Variants in DGKB observed in about 807,000 individuals in gnomAD.
DGKB encodes the protein diacylglycerol kinase beta.
Under a neutral mutation model 114.3 loss-of-function variants are expected in DGKB, and 67 were observed. That is an observed-to-expected ratio of 0.59 (90% CI 0.48 to 0.72). The LOEUF is 0.72. Ranked by LOEUF, DGKB falls within the 30% of genes least tolerant of loss-of-function variation. The pLI is 0.00. For synonymous variants in DGKB, 398 were observed against 323.1 expected (o/e 1.23, Z -2.49); for missense variants, 907 against 975.2 (o/e 0.93, Z 0.93).
chr7:14,235,500 C>T (rs1584629933), intron 23 of DGKB, among the ~76,000 whole-genome samples: 1 of 152,150 alleles, frequency 6.6e-6, no homozygotes, highest in East Asian at 1.9e-4. Context: ...TCAATTTTAT[C>T]AGAGGTTTCA....
At chr7:14,750,789 A>ATTTATTTTT (rs1833986870) in intron 4 of DGKB, among the ~76,000 whole-genome samples, 1 of 85,052 alleles carries the variant, frequency 1.2e-5, no homozygotes, top group African/African-American at 5.3e-5. Context: ...AGCTATTTCT[A>ATTTATTTTT]TTTCTTTTTT....
chr7:14,365,295 G>T (rs1057125715), intron 21 of DGKB, among the ~76,000 whole-genome samples: 1 of 152,002 alleles, frequency 6.6e-6, no homozygotes, highest in Non-Finnish European at 1.5e-5. Flanking sequence ...ATTTGTACCA[G>T]AATTTGTCTT....
chr7:14,747,779 G>GCGCGCGCACACACACACACA lies in DGKB; in HGVS notation c.168+6148_168+6149insTGTGTGTGTGTGTGCGCGCG, dbSNP rs1554636463. Among the ~76,000 whole-genome samples the GCGCGCGCACACACACACACA allele has an allele frequency of 1.4e-4, 21 of 148,604 alleles. No homozygotes were observed. The Middle Eastern group carries it at 0.017, about 124-fold the overall frequency. ...TGGGCTCAAACACATCCACGCGCAC[G>GCGCGCGCACACACACACACA]CACACACACACACACACACACAAAT... On this transcript the variant is annotated intron_variant, in intron 4 of 25. Transcript: ENST00000402815.
chr7:14,298,779 T>C (rs897589780), intron 23 of DGKB, among the ~76,000 whole-genome samples: 1 of 152,184 alleles, frequency 6.6e-6, no homozygotes, highest in Non-Finnish European at 1.5e-5. Context: ...CAGAAAACTT[T>C]TGCAATCTAT....
chr7:14,745,753 G>A lies in DGKB; in HGVS notation c.168+8175C>T, dbSNP rs566887750. ...TGTGCAGGACCCCTCTCTTTTCTGA[G>A]CACTTTCCTTTCACTTAATAAATTC... On this transcript the variant is annotated intron_variant, in intron 4 of 25. Transcript: ENST00000402815. Among the ~76,000 whole-genome samples the A allele has an allele frequency of 9.2e-5, 14 of 151,776 alleles. No homozygotes were observed. In the South Asian group the frequency reaches 2.9e-3, roughly 32 times the overall value.
intron 17 of DGKB, among the ~76,000 whole-genome samples, chr7:14,596,137 C>T (rs941498722): frequency 6.6e-6 from 1 of 152,084 alleles, no homozygotes; most frequent in African/African-American, 2.4e-5. Context: ...AACATGCCTG[C>T]TTGTTGTAGA....
upstream of DGKB, among the ~76,000 whole-genome samples, chr7:14,906,975 CA>C (rs929036859): frequency 4.2e-4 from 63 of 151,774 alleles, no homozygotes; most frequent in African/African-American, 1.5e-3. Context: ...TTTTATCTTT[CA>C]AAAAAAATAA....
intron 2 of DGKB, among the ~76,000 whole-genome samples, chr7:14,839,495 G>A (rs1338397850): frequency 6.8e-6 from 1 of 147,620 alleles, no homozygotes. Context: ...TCAGCCTCCT[G>A]GGCTCCAGCA....
chr7:14,907,012 C>T (rs534730088), upstream of DGKB, among the ~76,000 whole-genome samples: 7 of 151,956 alleles, frequency 4.6e-5, no homozygotes, highest in East Asian at 1.4e-3. Context: ...AAATCCTTAC[C>T]AACTTTGGCT....
intron 1 of DGKB, among the ~76,000 whole-genome samples, chr7:14,857,216 C>G (rs1035960844): frequency 6.6e-6 from 1 of 150,656 alleles, no homozygotes; most frequent in Non-Finnish European, 1.5e-5. Flanking sequence ...GTCTCTCTCT[C>G]TCTCTCTCTC....
At chr7:14,637,141 G>T (rs1194378344) in intron 13 of DGKB, among the ~76,000 whole-genome samples, 1 of 151,780 alleles carries the variant, frequency 6.6e-6, no homozygotes, top group Non-Finnish European at 1.5e-5. Flanking sequence ...ATAAAACTTT[G>T]CTAAATAAAT....
chr7:14,564,058 G>A (rs918812067), intron 20 of DGKB, among the ~76,000 whole-genome samples: 3 of 152,168 alleles, frequency 2.0e-5, no homozygotes, highest in Non-Finnish European at 2.9e-5. Context: ...AGAAATTTGT[G>A]TGATGAACTC....
intron 23 of DGKB, among the ~76,000 whole-genome samples, chr7:14,205,347 C>T (rs1786600153): frequency 6.6e-6 from 1 of 151,790 alleles, no homozygotes; most frequent in South Asian, 2.1e-4. Context: ...CCCACAGTAA[C>T]CATCTTCTCT....
intron 21 of DGKB, among the ~76,000 whole-genome samples, chr7:14,471,513 A>G (rs1781390331): frequency 6.7e-6 from 1 of 150,324 alleles, no homozygotes; most frequent in Non-Finnish European, 1.5e-5. Context: ...ATATAAATTG[A>G]TAAGAAGAAG....
At chr7:14,240,295 A>G (rs1254447495) in intron 23 of DGKB, among the ~76,000 whole-genome samples, 1 of 152,114 alleles carries the variant, frequency 6.6e-6, no homozygotes, top group Non-Finnish European at 1.5e-5. Flanking sequence ...TTGTACGATC[A>G]TTATGTAGTA....
At chr7:14,594,831 A>T (rs1248070536) in intron 17 of DGKB, among the ~76,000 whole-genome samples, 1 of 152,140 alleles carries the variant, frequency 6.6e-6, no homozygotes, top group African/African-American at 2.4e-5. Flanking sequence ...CTTAGGGTCA[A>T]ATACAAAAGA....
chr7:14,215,541 G>A (rs1232705333), intron 23 of DGKB, among the ~76,000 whole-genome samples: 1 of 151,970 alleles, frequency 6.6e-6, no homozygotes, highest in Non-Finnish European at 1.5e-5. Context: ...TCTATAATAA[G>A]TACAATTAGC....
At chr7:14,406,905 CAT>C (rs1428079987) in intron 21 of DGKB, among the ~76,000 whole-genome samples, 1 of 151,878 alleles carries the variant, frequency 6.6e-6, no homozygotes, top group African/African-American at 2.4e-5. Context: ...TCAGAGAAGA[CAT>C]AGAAATGAAA....
chr7:14,757,721 C>A lies in DGKB; in HGVS notation c.81G>T (p.Lys27Asn). The A allele has an allele frequency of 6.3e-7, 1 of 1,598,226 alleles. No homozygotes were observed. The highest frequency in any genetic ancestry group is 8.6e-7 in the Non-Finnish European group (1 of 1,167,304). Residue 27 changes from lysine to asparagine, a missense_variant, in exon 3 of 26, where the codon AAG (lysine) becomes AAT (asparagine). Transcript: ENST00000402815. Reference sequence around the variant, plus strand: ...ATTCTTCAAGAACATCCTTTAATTTCTTTGTAGAATCTATAAAAAACAGAA... The same window carrying A: ...ATTCTTCAAGAACATCCTTTAATTTATTTGTAGAATCTATAAAAAACAGAA... Reference protein sequence around the residue: ...QLQKYAEYSTKKLKDVLEEFH... With the variant: ...QLQKYAEYSTNKLKDVLEEFH...
Sources: allele counts gnomAD v4.1 joint callset (sites outside exome capture counted in the v4.1 genomes callset), GRCh38; gene constraint gnomAD v4.1.1; transcripts MANE v1.5; gene names NCBI Gene and HGNC (gene_info 2026-07-23, HGNC 2026-07-21).